The following HCN1 variants were observed in gnomAD, a reference collection of about 807,000 sequenced individuals.
The protein encoded by HCN1 is hyperpolarization activated cyclic nucleotide gated potassium channel 1.
Under a neutral mutation model 78.9 loss-of-function variants are expected in HCN1, and 13 were observed. That is an observed-to-expected ratio of 0.16 (90% CI 0.11 to 0.26). HCN1 has a LOEUF of 0.26. HCN1 is among the 10% of genes least tolerant of loss of function. The pLI is 1.00. For missense variants in HCN1, 810 were observed against 1,154.3 expected, an observed-to-expected ratio of 0.70 and a Z score of 4.32; for synonymous variants, 552 against 455.5, an observed-to-expected ratio of 1.21 and a Z score of -2.70.
chr5:45,446,151 A>G (rs1740790073), intron 3 of HCN1, among the ~76,000 whole-genome samples: 1 of 152,194 alleles, frequency 6.6e-6, no homozygotes, highest in Non-Finnish European at 1.5e-5. Flanking sequence ...AAAAATTTAG[A>G]CGAATGTATA....
intron 5 of HCN1, among the ~76,000 whole-genome samples, chr5:45,320,258 C>T (rs2111934353): frequency 6.6e-6 from 1 of 151,894 alleles, no homozygotes; most frequent in Middle Eastern, 3.4e-3. Flanking sequence ...CACATGACAC[C>T]TCATCTCCTA....
intron 2 of HCN1, among the ~76,000 whole-genome samples, chr5:45,497,580 T>C (rs1374546453): frequency 2.0e-5 from 3 of 152,210 alleles, no homozygotes; most frequent in Non-Finnish European, 4.4e-5. Flanking sequence ...TCCTTTTATT[T>C]TGAGCCTATG....
Position 45,262,741 on chromosome 5 carries a change from T to C in HCN1, c.1853A>G (p.Glu618Gly). The C allele has an allele frequency of 6.2e-7, 1 of 1,614,176 alleles. No homozygotes were observed. The highest frequency in any genetic ancestry group is 1.1e-5 in the South Asian group (1 of 91,086). ...DLNTGVFNNQ[E>G]NEILKQIVKH... Reference sequence around the variant, plus strand: ...CACAATCTGCTTGAGGATTTCGTTCTCCTGATTGTTGAAAACACCAGTGTT... The same window carrying C: ...CACAATCTGCTTGAGGATTTCGTTCCCCTGATTGTTGAAAACACCAGTGTT... Residue 618 changes from glutamate (E) to glycine (G), a missense_variant, in exon 8 of 8, where the codon GAG becomes GGG. By Grantham distance (98) the Glu-to-Gly change is moderately conservative. Transcript: ENST00000303230.
chr5:45,332,247 A>G (rs1746359551), intron 5 of HCN1, among the ~76,000 whole-genome samples: 1 of 151,506 alleles, frequency 6.6e-6, no homozygotes, highest in South Asian at 2.1e-4. Context: ...ATTTTGGTAC[A>G]GTAATGCAGA....
At chr5:45,486,124 G>A (rs970044554) in intron 2 of HCN1, among the ~76,000 whole-genome samples, 2 of 152,044 alleles carry the variant, frequency 1.3e-5, no homozygotes, top group African/African-American at 2.4e-5. Context: ...CATGTTCTAG[G>A]CTTCACAAAA....
chr5:45,535,281 A>G (rs1379856174), intron 2 of HCN1, among the ~76,000 whole-genome samples: 2 of 152,144 alleles, frequency 1.3e-5, no homozygotes, highest in African/African-American at 4.8e-5. Context: ...TTATTTGATG[A>G]TATCTTCTCA....
chr5:45,393,238 C>T (rs1294074099), intron 4 of HCN1, among the ~76,000 whole-genome samples: 2 of 152,136 alleles, frequency 1.3e-5, no homozygotes, highest in South Asian at 4.1e-4. Flanking sequence ...AATCTTAAGT[C>T]ATGATTTATA....
At chr5:45,679,698 T>C (rs960872147) in intron 1 of HCN1, among the ~76,000 whole-genome samples, 2 of 152,124 alleles carry the variant, frequency 1.3e-5, no homozygotes, top group East Asian at 3.9e-4. Flanking sequence ...AAAATTGTAC[T>C]TTCAATACAA....
intron 1 of HCN1, among the ~76,000 whole-genome samples, chr5:45,664,021 C>T (rs1340621549): frequency 5.7e-5 from 8 of 139,986 alleles, no homozygotes; most frequent in East Asian, 4.2e-4. Flanking sequence ...ATGTCTATTG[C>T]GGCATTATTC....
At chr5:45,353,608 G>T (rs1468032277) in intron 4 of HCN1, among the ~76,000 whole-genome samples, 2 of 151,954 alleles carry the variant, frequency 1.3e-5, no homozygotes, top group African/African-American at 4.8e-5. Context: ...GAAATTGTTT[G>T]GCTGTCGATT....
chr5:45,395,527 T>G (rs1167171071), intron 4 of HCN1, among the ~76,000 whole-genome samples: 2 of 152,204 alleles, frequency 1.3e-5, no homozygotes, highest in Admixed American at 1.3e-4. Flanking sequence ...TCTCATATTG[T>G]GTGATTATAG....
chr5:45,303,456 A>G, intron 6 of HCN1, 143 bp downstream of exon 6: 1 of 770,778 alleles, frequency 1.3e-6, no homozygotes, highest in Non-Finnish European at 2.2e-6. Context: ...ATATGAAAAC[A>G]CTGTTATAGA....
intron 6 of HCN1, among the ~76,000 whole-genome samples, chr5:45,300,085 C>T (rs1181709656): frequency 6.6e-6 from 1 of 152,000 alleles, no homozygotes; most frequent in Non-Finnish European, 1.5e-5. Flanking sequence ...AGTCATATTA[C>T]CAAATTAACT....
chr5:45,308,936 A>G (rs981460193), intron 5 of HCN1, among the ~76,000 whole-genome samples: 9 of 152,160 alleles, frequency 5.9e-5, no homozygotes, highest in African/African-American at 1.9e-4. Context: ...AATAGCATTG[A>G]ATCTATAAAT....
intron 4 of HCN1, among the ~76,000 whole-genome samples, chr5:45,371,599 A>G (rs1747360642): frequency 6.6e-6 from 1 of 150,946 alleles, no homozygotes. Flanking sequence ...TCTATTAAAA[A>G]CATAAAAATT....
At chr5:45,331,958 A>G (rs369224611) in intron 5 of HCN1, among the ~76,000 whole-genome samples, 1 of 151,544 alleles carries the variant, frequency 6.6e-6, no homozygotes, top group East Asian at 1.9e-4. Context: ...ATAATTTAAC[A>G]ATGTGAAGCT....
intron 2 of HCN1, among the ~76,000 whole-genome samples, chr5:45,508,953 T>C (rs1742358436): frequency 6.6e-6 from 1 of 152,268 alleles, no homozygotes; most frequent in Non-Finnish European, 1.5e-5. Context: ...TATCCTACTA[T>C]TCAGCCTGCT....
chr5:45,504,085 C>A (rs1026920343), intron 2 of HCN1, among the ~76,000 whole-genome samples: 1 of 151,948 alleles, frequency 6.6e-6, no homozygotes, highest in African/African-American at 2.4e-5. Flanking sequence ...ATGCCAGGAC[C>A]ACATTTTATT....
intron 2 of HCN1, among the ~76,000 whole-genome samples, chr5:45,497,636 T>A (rs1345564374): frequency 2.0e-5 from 3 of 152,176 alleles, no homozygotes; most frequent in Non-Finnish European, 4.4e-5. Context: ...AGCACACTGA[T>A]GGGTCTTGAC....
Sources: gnomAD v4.1 joint callset for allele counts (sites outside exome capture counted in the v4.1 genomes callset) on GRCh38, gnomAD v4.1.1 for gene constraint, MANE v1.5 for transcripts, NCBI Gene and HGNC (gene_info 2026-07-23, HGNC 2026-07-21) for gene names.